The following IL1RAPL1 variants were observed in gnomAD, a reference collection of about 807,000 sequenced individuals.
IL1RAPL1 encodes interleukin 1 receptor accessory protein like 1.
A neutral mutation model predicts 48.4 loss-of-function variants in IL1RAPL1; 3 were observed. That is an observed-to-expected ratio of 0.06 (90% CI 0.03 to 0.16). The LOEUF is 0.16. Among genes scored for constraint, IL1RAPL1 ranks in the 10% least tolerant of loss-of-function variants. The pLI, the probability that IL1RAPL1 is intolerant of heterozygous loss-of-function variation, is 1.00. For synonymous variants in IL1RAPL1, 185 were observed against 187.7 expected (o/e 0.99, Z 0.12); for missense variants, 349 against 530.6 (o/e 0.66, Z 3.36).
intron 2 of IL1RAPL1, among the ~76,000 whole-genome samples, chrX:29,002,546 TAA>T (rs762826760): frequency 9.7e-6 from 1 of 102,690 alleles, no homozygotes. Flanking sequence ...AAGCCAAAAT[TAA>T]AAAAAAAAAG....
chrX:29,488,774 A>C (rs1163006131), intron 5 of IL1RAPL1, among the ~76,000 whole-genome samples: 1 of 112,090 alleles, frequency 8.9e-6, no homozygotes, highest in African/African-American at 3.2e-5. Flanking sequence ...TCATTATTTC[A>C]CAATGCATAC....
chrX:29,433,467 G>A (rs746944217), intron 5 of IL1RAPL1, among the ~76,000 whole-genome samples: 4 of 110,587 alleles, frequency 3.6e-5, no homozygotes, highest in South Asian at 3.7e-4. Flanking sequence ...ATATCATGTC[G>A]TATCACATTT....
At chrX:28,946,343 G>A (rs1045063967) in intron 2 of IL1RAPL1, among the ~76,000 whole-genome samples, 13 of 109,709 alleles carry the variant, frequency 1.2e-4, no homozygotes, top group Non-Finnish European at 2.1e-4. Context: ...AAGCAATAGG[G>A]GTAGTATTTT....
chrX:29,465,984 G>T (rs1377197236), intron 5 of IL1RAPL1, among the ~76,000 whole-genome samples: 1 of 112,238 alleles, frequency 8.9e-6, no homozygotes, highest in African/African-American at 3.2e-5. Context: ...CACAGCTCAG[G>T]TTGCCAAATT....
At chrX:29,146,700 A>G (rs1203666383) in intron 2 of IL1RAPL1, among the ~76,000 whole-genome samples, 1 of 112,253 alleles carries the variant, frequency 8.9e-6, no homozygotes, top group African/African-American at 3.2e-5. Flanking sequence ...GGCATAATGC[A>G]TTTTAGGATG....
chrX:28,737,769 A>G (rs759936084), intron 1 of IL1RAPL1, among the ~76,000 whole-genome samples: 1 of 112,019 alleles, frequency 8.9e-6, no homozygotes, highest in African/African-American at 3.2e-5. Context: ...ACAAATATGG[A>G]ATATTAAACT....
chrX:28,703,549 A>G (rs1043559566), intron 1 of IL1RAPL1, among the ~76,000 whole-genome samples: 16 of 111,236 alleles, frequency 1.4e-4, no homozygotes, highest in African/African-American at 4.9e-4. Context: ...TTATTTTCTC[A>G]AGTCCCCAAC....
intron 5 of IL1RAPL1, among the ~76,000 whole-genome samples, chrX:29,512,818 G>A (rs947959376): frequency 3.6e-5 from 4 of 111,623 alleles, no homozygotes; most frequent in Non-Finnish European, 7.5e-5. Flanking sequence ...GTAGATAAGC[G>A]CTGTCTTGTA....
intron 5 of IL1RAPL1, among the ~76,000 whole-genome samples, chrX:29,593,627 T>G (rs1353917426): frequency 8.9e-6 from 1 of 112,161 alleles, no homozygotes; most frequent in Non-Finnish European, 1.9e-5. Flanking sequence ...TTCAATATCC[T>G]TGATCAATAT....
At chrX:29,677,420 G>T (rs1045561770) in intron 6 of IL1RAPL1, among the ~76,000 whole-genome samples, 1 of 111,657 alleles carries the variant, frequency 9.0e-6, no homozygotes, top group East Asian at 2.8e-4. Context: ...GGTTTAAGAG[G>T]CTCTGTCCCC....
intron 5 of IL1RAPL1, among the ~76,000 whole-genome samples, chrX:29,428,207 T>C (rs1405156196): frequency 8.9e-6 from 1 of 111,947 alleles, no homozygotes; most frequent in Non-Finnish European, 1.9e-5. Flanking sequence ...ATGGCAGTGC[T>C]CATTTACCTC....
At chrX:29,926,047 C>G (rs890326495) in intron 8 of IL1RAPL1, among the ~76,000 whole-genome samples, 1 of 106,945 alleles carries the variant, frequency 9.4e-6, no homozygotes, top group Non-Finnish European at 1.9e-5. Flanking sequence ...CTCGCTCTAT[C>G]GCACAGGCTG....
intron 9 of IL1RAPL1, among the ~76,000 whole-genome samples, chrX:29,950,708 G>A (rs1391994406): frequency 1.0e-5 from 1 of 99,093 alleles, no homozygotes; most frequent in Admixed American, 1.1e-4. Context: ...ACAGAGTCTC[G>A]CTCTGTCACC....
At chrX:29,714,247 T>C (rs1927425438) in intron 6 of IL1RAPL1, among the ~76,000 whole-genome samples, 1 of 111,828 alleles carries the variant, frequency 8.9e-6, no homozygotes, top group Admixed American at 9.5e-5. Context: ...TGTTGTCTAA[T>C]AGAAGACAAT....
chrX:28,615,049 C>T (rs933227681), intron 1 of IL1RAPL1, among the ~76,000 whole-genome samples: 11 of 109,375 alleles, frequency 1.0e-4, no homozygotes, highest in South Asian at 8.1e-4. Context: ...CCACCACGCC[C>T]GGCTACTTTT....
At chrX:29,396,089 T>C (rs916205614) in intron 3 of IL1RAPL1, among the ~76,000 whole-genome samples, 169 bp from the exon 4 acceptor site, 4 of 112,821 alleles carry the variant, frequency 3.5e-5, no homozygotes, top group Non-Finnish European at 5.6e-5. Flanking sequence ...AGAGCAAGTA[T>C]TGTTTAGCTG....
chrX:29,773,595 T>G (rs369891911), intron 6 of IL1RAPL1, among the ~76,000 whole-genome samples: 8 of 112,574 alleles, frequency 7.1e-5, no homozygotes, highest in African/African-American at 2.6e-4. Context: ...GAATTTTTCC[T>G]TGTCATTACC....
intron 2 of IL1RAPL1, among the ~76,000 whole-genome samples, chrX:28,793,388 T>C (rs766024403): frequency 9.8e-6 from 1 of 101,583 alleles, no homozygotes; most frequent in Non-Finnish European, 1.9e-5. Flanking sequence ...CTTCCTTCCT[T>C]CCTTTCTTCC....
chrX:29,715,139 T>C (rs1927447665), intron 6 of IL1RAPL1, among the ~76,000 whole-genome samples: 1 of 111,594 alleles, frequency 9.0e-6, no homozygotes, highest in Non-Finnish European at 1.9e-5. Context: ...TGCTCAGATG[T>C]TCTTAACCTT....
Sources: gnomAD v4.1 joint callset for allele counts (sites outside exome capture counted in the v4.1 genomes callset) on GRCh38, gnomAD v4.1.1 for gene constraint, MANE v1.5 for transcripts, NCBI Gene and HGNC (gene_info 2026-07-23, HGNC 2026-07-21) for gene names.